The following RCAN2 variants were observed in gnomAD, a reference collection of about 807,000 sequenced individuals.
RCAN2 encodes the protein calcipressin-2.
Under a neutral mutation model 23.6 loss-of-function variants are expected in RCAN2, and 9 were observed. That is an observed-to-expected ratio of 0.38 (90% CI 0.23 to 0.67). The LOEUF is 0.67. RCAN2 is among the 30% of genes least tolerant of loss of function. The pLI is 0.51. For synonymous variants in RCAN2, 109 were observed against 115.7 expected (o/e 0.94, Z 0.37); for missense variants, 273 against 302.3 (o/e 0.90, Z 0.72).
At chr6:46,316,233 A>C (rs1460788768) in intron 2 of RCAN2, among the ~76,000 whole-genome samples, 1 of 152,218 alleles carries the variant, frequency 6.6e-6, no homozygotes, top group Non-Finnish European at 1.5e-5. Flanking sequence ...GATGGTAATG[A>C]ATGACATTAC....
chr6:46,337,114 C>T (rs1046022805), intron 2 of RCAN2, among the ~76,000 whole-genome samples: 1 of 151,688 alleles, frequency 6.6e-6, no homozygotes, highest in Admixed American at 6.6e-5. Context: ...TACACATTTG[C>T]TCATTTCAAT....
intron 2 of RCAN2, among the ~76,000 whole-genome samples, chr6:46,366,288 T>G (rs962811185): frequency 6.6e-6 from 1 of 152,160 alleles, no homozygotes; most frequent in Non-Finnish European, 1.5e-5. Flanking sequence ...TGCAAGACCT[T>G]TTCAAATGTC....
intron 2 of RCAN2, among the ~76,000 whole-genome samples, chr6:46,276,583 T>A (rs1248152074): frequency 6.6e-6 from 1 of 152,216 alleles, no homozygotes; most frequent in African/African-American, 2.4e-5. Context: ...CTGTTTCAGA[T>A]CTGAAGGGTT....
In RCAN2 at chr6:46,397,617, G is replaced by T. The variant is rs1338214985; in HGVS notation, c.225+59135C>A. Reference sequence around the variant, plus strand: ...TAATTATTTTTTAACCTTTTAAAGAGAAAAATGTTATGCATTGATTTAGTT... The same window carrying T: ...TAATTATTTTTTAACCTTTTAAAGATAAAAATGTTATGCATTGATTTAGTT... On this transcript the variant is annotated intron_variant, in intron 2 of 4. Coordinates refer to ENST00000371374, the MANE Select transcript of RCAN2 (RefSeq NM_001251974.2). 3.9e-5 allele frequency among the ~76,000 whole-genome samples: 6 copies of T among 152,066 alleles called. No homozygotes were observed. The East Asian group carries it at 1.2e-3, about 29-fold the overall frequency.
At chr6:46,235,205 C>G (rs1246747608) in intron 4 of RCAN2, among the ~76,000 whole-genome samples, 1 of 152,114 alleles carries the variant, frequency 6.6e-6, no homozygotes, top group African/African-American at 2.4e-5. Flanking sequence ...ATTAGAGAAG[C>G]TTTTGAGATT....
intron 2 of RCAN2, among the ~76,000 whole-genome samples, chr6:46,442,635 T>A (rs1024634430): frequency 6.6e-6 from 1 of 152,208 alleles, no homozygotes; most frequent in Non-Finnish European, 1.5e-5. Context: ...CTATTTAATA[T>A]CATACCAGAA....
intron 2 of RCAN2, among the ~76,000 whole-genome samples, chr6:46,343,850 A>G (rs957773227): frequency 1.3e-5 from 2 of 152,222 alleles, no homozygotes; most frequent in African/African-American, 4.8e-5. Flanking sequence ...AAATAATATG[A>G]ATGCTCTCCA....
chr6:46,230,552 C>G (rs1765847454), intron 4 of RCAN2, among the ~76,000 whole-genome samples: 1 of 152,170 alleles, frequency 6.6e-6, no homozygotes, highest in African/African-American at 2.4e-5. Context: ...GAGTGAGGCT[C>G]CATGGGCATG....
At chr6:46,383,944 G>A (rs557612219) in intron 2 of RCAN2, among the ~76,000 whole-genome samples, 127 of 152,122 alleles carry the variant, frequency 8.3e-4, no homozygotes, top group African/African-American at 2.9e-3. Flanking sequence ...AGGGATTACT[G>A]ACTCCTGCTG....
chr6:46,235,161 G>A (rs576785163), intron 4 of RCAN2, among the ~76,000 whole-genome samples: 1 of 152,290 alleles, frequency 6.6e-6, no homozygotes, highest in Admixed American at 6.5e-5. Context: ...ACAAGGTAAA[G>A]GTAGAGAGAT....
In RCAN2 at chr6:46,460,998, A is replaced by C. The variant is rs564418691; in HGVS notation, c.-2-4020T>G. ...AAGACTCACAGGATTCCTCTAGCTAAAATTTAATAATCTGTGGAAAATAGC... is the reference window on the plus strand; with the variant it reads ...AAGACTCACAGGATTCCTCTAGCTACAATTTAATAATCTGTGGAAAATAGC... On this transcript the variant is annotated intron_variant, in intron 1 of 4. Transcript: ENST00000371374. Among the ~76,000 whole-genome samples the C allele has an allele frequency of 1.3e-4, 20 of 152,344 alleles. No individual in the cohort carries two copies. The South Asian group carries it at 4.1e-3, about 32-fold the overall frequency.
chr6:46,222,084 T>C lies in RCAN2; in HGVS notation c.*1057A>G, dbSNP rs1765494158. ...TTTATTTAAAAACAAGTGGTCTTGA[T>C]AGCAAAGATGTTGGCTAATCATGTA... is the stretch of plus-strand genomic sequence containing the variant. On this transcript the variant is annotated 3_prime_UTR_variant, in exon 5 of 5. Transcript: ENST00000371374. 5.0e-6 allele frequency: 2 copies of C among 397,938 alleles called. No homozygotes were observed. The highest frequency in any genetic ancestry group is 8.9e-6 in the Non-Finnish European group (2 of 225,570). The allele number at this position is 397,938 out of a possible 1,614,324, so 24.7% of individuals were successfully genotyped here.
chr6:46,225,736 G>T (rs2150303234), intron 4 of RCAN2, among the ~76,000 whole-genome samples: 1 of 152,262 alleles, frequency 6.6e-6, no homozygotes, highest in Non-Finnish European at 1.5e-5. Context: ...TCTGTAGGTT[G>T]CCTGCTCACT....
chr6:46,470,674 GT>G (rs1441244560), intron 1 of RCAN2, among the ~76,000 whole-genome samples: 2 of 151,966 alleles, frequency 1.3e-5, no homozygotes, highest in Non-Finnish European at 2.9e-5. Flanking sequence ...CTTAAAACTG[GT>G]TTCATTATTT....
intron 2 of RCAN2, among the ~76,000 whole-genome samples, chr6:46,360,797 A>C (rs1471985451): frequency 6.6e-6 from 1 of 152,220 alleles, no homozygotes; most frequent in Non-Finnish European, 1.5e-5. Context: ...TTCATTTGCT[A>C]TAGTGGGAAG....
intron 2 of RCAN2, among the ~76,000 whole-genome samples, chr6:46,342,195 T>C (rs903692509): frequency 2.6e-5 from 4 of 152,264 alleles, no homozygotes; most frequent in African/African-American, 9.6e-5. Flanking sequence ...GACTTTTAGG[T>C]TACTTTCAAA....
At chr6:46,273,518 TAAG>T (rs1449646578) in intron 2 of RCAN2, among the ~76,000 whole-genome samples, 4 of 152,310 alleles carry the variant, frequency 2.6e-5, no homozygotes, top group African/African-American at 9.6e-5. Flanking sequence ...AAATATGACT[TAAG>T]GAGCTTAAGT....
intron 2 of RCAN2, among the ~76,000 whole-genome samples, chr6:46,326,721 C>T (rs144851366): frequency 5.9e-5 from 9 of 152,286 alleles, no homozygotes; most frequent in Admixed American, 1.3e-4. Context: ...CTTCAGTGGC[C>T]ACTGGAACAT....
chr6:46,404,889 C>T (rs1307852612), intron 2 of RCAN2, among the ~76,000 whole-genome samples: 1 of 152,144 alleles, frequency 6.6e-6, no homozygotes, highest in African/African-American at 2.4e-5. Flanking sequence ...CTTCCACGTA[C>T]TGAAGAAAAC....
Sources: allele counts gnomAD v4.1 joint callset (sites outside exome capture counted in the v4.1 genomes callset), GRCh38; gene constraint gnomAD v4.1.1; transcripts MANE v1.5; gene names NCBI Gene and HGNC (gene_info 2026-07-23, HGNC 2026-07-21).